GRID2: variants seen among roughly 807,000 people sequenced by gnomAD.
GRID2 encodes the protein glutamate receptor ionotropic, delta-2.
GRID2 carries 33 observed loss-of-function variants against 114.8 expected under a neutral mutation model. The ratio of observed to expected loss-of-function variants is 0.29; its 90% CI spans 0.22 to 0.38. The LOEUF (loss-of-function observed/expected upper bound fraction) is 0.38. Among genes scored for constraint, GRID2 ranks in the 10% least tolerant of loss-of-function variants. The pLI is 1.00. For missense variants in GRID2, 1,184 were observed against 1,257.7 expected (o/e 0.94, Z 0.89); for synonymous variants, 505 against 449.9 (o/e 1.12, Z -1.55).
chr4:92,433,023 T>G (rs1344098989), intron 1 of GRID2, among the ~76,000 whole-genome samples: 1 of 152,064 alleles, frequency 6.6e-6, no homozygotes, highest in Non-Finnish European at 1.5e-5. Flanking sequence ...TTGTTCAGGG[T>G]GTGTCTAGAA....
At chr4:92,449,729 A>C (rs1292451814) in intron 1 of GRID2, among the ~76,000 whole-genome samples, 1 of 138,368 alleles carries the variant, frequency 7.2e-6, no homozygotes, top group African/African-American at 2.7e-5. Flanking sequence ...AGCCAAATTC[A>C]TTTATATTTC....
chr4:92,539,662 T>C (rs939527282), intron 1 of GRID2, among the ~76,000 whole-genome samples: 1 of 152,192 alleles, frequency 6.6e-6, no homozygotes, highest in Non-Finnish European at 1.5e-5. Flanking sequence ...TGCTACCAAA[T>C]TAGTAATTGC....
intron 8 of GRID2, among the ~76,000 whole-genome samples, chr4:93,318,280 G>C (rs1294163866): frequency 2.6e-5 from 4 of 151,302 alleles, no homozygotes; most frequent in African/African-American, 7.3e-5. Context: ...TAATAATAAT[G>C]AACATAACCT....
rs968288050 is a variant in GRID2 at position 93,772,785 on chromosome 4, C to A, written c.*287C>A. The stretch of plus-strand genomic sequence containing the variant: ...ATTAGTCTGCTTTTCATATACTGTA[C>A]ATCAAGTATAGGAAATGTGCACTGA... On this transcript the variant is annotated 3_prime_UTR_variant, in exon 16 of 16. Transcript: ENST00000282020. 1 of 354,936 alleles carries A rather than the reference C, an allele frequency of 2.8e-6. No individual in the cohort carries two copies. Among genetic ancestry groups the A allele is most frequent in the Non-Finnish European group, 5.1e-6 (1 of 197,132 alleles). The allele number at this position is 354,936 out of a possible 1,614,324, so 22.0% of individuals were successfully genotyped here. A position where few individuals can be genotyped will look rare whatever the true frequency, so the allele number is the denominator to read the frequency against.
At chr4:93,106,772 A>C (rs1364320876) in intron 3 of GRID2, among the ~76,000 whole-genome samples, 1 of 152,204 alleles carries the variant, frequency 6.6e-6, no homozygotes, top group African/African-American at 2.4e-5. Flanking sequence ...TAACTCCTGC[A>C]TTCCATGAGT....
rs564478004 is a variant in GRID2, at chr4:93,739,335, A to G, written c.2361-29875A>G. ...CCACAAACTAGGTACAATTTCTTCA[A>G]CTATAGCCTAGTGGTACAAGAAGCC... On this transcript the variant is annotated intron_variant, in intron 14 of 15. Transcript: ENST00000282020. Among the ~76,000 whole-genome samples the G allele has an allele frequency of 7.0e-4, 107 of 152,230 alleles. No individual in the cohort carries two copies. In the Middle Eastern group the frequency reaches 0.014, roughly 19 times the overall value.
chr4:92,442,224 A>G (rs1733140540), intron 1 of GRID2, among the ~76,000 whole-genome samples: 1 of 151,702 alleles, frequency 6.6e-6, no homozygotes, highest in African/African-American at 2.4e-5. Context: ...GGGCGGTGTT[A>G]GTTTTCAGCC....
At chr4:93,537,478 A>G (rs1268097185) in intron 13 of GRID2, among the ~76,000 whole-genome samples, 1 of 151,828 alleles carries the variant, frequency 6.6e-6, no homozygotes, top group Non-Finnish European at 1.5e-5. Flanking sequence ...AAAGAAAGGC[A>G]CAAATTAAGT....
At chr4:92,450,316 C>T (rs749564781) in intron 1 of GRID2, among the ~76,000 whole-genome samples, 8 of 151,956 alleles carry the variant, frequency 5.3e-5, no homozygotes, top group Non-Finnish European at 8.8e-5. Context: ...TAAGCATGTC[C>T]TCATAATGCC....
At chr4:92,315,260 C>T (rs568441042) in intron 1 of GRID2, among the ~76,000 whole-genome samples, 1 of 152,110 alleles carries the variant, frequency 6.6e-6, no homozygotes, top group South Asian at 2.1e-4. Context: ...CATATGGAAA[C>T]AATGTGATAT....
rs550461966 is a variant in GRID2, at chr4:93,129,735, C to T, written c.735+18782C>T. ...ATTTTACCTATTCTTTTTTGCAGCC[C>T]TTGTCTCCATGATGTTTGGCACTCA... On this transcript the variant is annotated intron_variant, in intron 4 of 15. Transcript: ENST00000282020. Among the ~76,000 whole-genome samples, 3 of 152,142 alleles carry T rather than the reference C, an allele frequency of 2.0e-5. No individual in the cohort carries two copies. The East Asian group carries it at 5.8e-4, about 29-fold the overall frequency.
chr4:92,876,338 G>A (rs749450944), intron 2 of GRID2, among the ~76,000 whole-genome samples: 1 of 148,574 alleles, frequency 6.7e-6, no homozygotes, highest in African/African-American at 2.5e-5. Flanking sequence ...TCGCTCTGTC[G>A]CCCAGGCTGG....
chr4:92,777,967 C>T (rs1201631682), intron 2 of GRID2, among the ~76,000 whole-genome samples: 1 of 152,086 alleles, frequency 6.6e-6, no homozygotes, highest in African/African-American at 2.4e-5. Context: ...GTTTAACCCC[C>T]ATGCAAATGT....
chr4:93,215,120 A>C (rs1744040934), intron 5 of GRID2, among the ~76,000 whole-genome samples: 1 of 152,070 alleles, frequency 6.6e-6, no homozygotes, highest in Non-Finnish European at 1.5e-5. Context: ...ATACTTATTA[A>C]ATGTGAATTT....
Position 93,388,604 on chromosome 4 carries a change from G to T in GRID2, c.1246-7003G>T, listed in dbSNP as rs553347881. Among the ~76,000 whole-genome samples the T allele has an allele frequency of 3.5e-3, 530 of 152,266 alleles. 6 individuals are homozygous for T. Among genetic ancestry groups the T allele is most frequent in the African/African-American group, 0.012 (504 of 41,566 alleles). On this transcript the variant is annotated intron_variant, in intron 8 of 15. Coordinates refer to ENST00000282020, the MANE Select transcript of GRID2 (RefSeq NM_001510.4). ...ATGAATATAAATAATAACAAATCATGCAAATTCTGGTAGGCCACATCCAAA... is the reference window on the plus strand; with the variant it reads ...ATGAATATAAATAATAACAAATCATTCAAATTCTGGTAGGCCACATCCAAA...
At chr4:92,982,036 A>G (rs559608922) in intron 2 of GRID2, among the ~76,000 whole-genome samples, 1 of 112,916 alleles carries the variant, frequency 8.9e-6, no homozygotes, top group African/African-American at 2.9e-5. Context: ...AAAAAAAAAA[A>G]AAAAAAAAAG....
At chr4:92,872,757 T>C (rs1410186797) in intron 2 of GRID2, among the ~76,000 whole-genome samples, 1 of 152,210 alleles carries the variant, frequency 6.6e-6, no homozygotes, top group Non-Finnish European at 1.5e-5. Context: ...TCAGTGACCT[T>C]ACCCCTTGGA....
intron 8 of GRID2, among the ~76,000 whole-genome samples, chr4:93,392,721 G>A (rs977873708): frequency 9.9e-5 from 15 of 152,024 alleles, no homozygotes; most frequent in East Asian, 5.8e-4. Flanking sequence ...TCTCAATGTC[G>A]TTGACTATAA....
chr4:93,304,719 A>G (rs1048830280), intron 8 of GRID2, among the ~76,000 whole-genome samples: 5 of 152,302 alleles, frequency 3.3e-5, no homozygotes, highest in African/African-American at 9.6e-5. Flanking sequence ...CTAAAACAAA[A>G]CAGCATGCTT....
Sources: allele counts gnomAD v4.1 joint callset (sites outside exome capture counted in the v4.1 genomes callset), GRCh38; gene constraint gnomAD v4.1.1; transcripts MANE v1.5; gene names NCBI Gene and HGNC (gene_info 2026-07-23, HGNC 2026-07-21).